Variants in CUX2 observed in about 807,000 individuals in gnomAD.
The protein encoded by CUX2 is homeobox protein cut-like 2.
Under a neutral mutation model 144.8 loss-of-function variants are expected in CUX2, and 40 were observed. The ratio of observed to expected loss-of-function variants is 0.28; its 90% confidence interval spans 0.21 to 0.36. The LOEUF (loss-of-function observed/expected upper bound fraction) is 0.36, where lower values mean the gene tolerates loss of function less well. CUX2 is among the 10% of genes least tolerant of loss of function. CUX2 has a pLI of 1.00. For missense variants in CUX2, 1,615 were observed against 1,994.0 expected (o/e 0.81, Z 3.62); for synonymous variants, 827 against 875.6 (o/e 0.94, Z 0.98).
rs144879385 is a variant in CUX2, at chr12:111,254,890, C to T, written c.223-8871C>T. On this transcript the variant is annotated intron_variant, in intron 3 of 21. Transcript: ENST00000261726. The stretch of plus-strand genomic sequence containing the variant: ...TTTGAGACGGAGCCTTGCGCTGTCA[C>T]CCAGGCTGGAGTGCAGTGGCACGAT... Among the ~76,000 whole-genome samples the T allele has an allele frequency of 4.8e-3, 732 of 152,300 alleles. 6 individuals are homozygous for T. The highest frequency in any genetic ancestry group is 0.017 in the African/African-American group (703 of 41,560).
intron 1 of CUX2, among the ~76,000 whole-genome samples, chr12:111,082,384 C>A (rs1036094410): frequency 6.6e-6 from 1 of 152,124 alleles, no homozygotes; most frequent in Non-Finnish European, 1.5e-5. Context: ...TGGTTTGATT[C>A]CAGGAGTTTT....
chr12:111,140,764 C>G (rs11838103), intron 1 of CUX2, among the ~76,000 whole-genome samples: 3 of 152,204 alleles, frequency 2.0e-5, no homozygotes, highest in Non-Finnish European at 2.9e-5. Flanking sequence ...AACGTGAACT[C>G]GAAAGCTGTG....
chr12:111,062,733 A>C (rs532489632), intron 1 of CUX2, among the ~76,000 whole-genome samples: 54 of 152,366 alleles, frequency 3.5e-4, no homozygotes, highest in African/African-American at 1.3e-3. Context: ...AGGAATGATG[A>C]GACCATATTA....
chr12:111,162,778 G>A (rs948171095), intron 1 of CUX2, among the ~76,000 whole-genome samples: 2 of 152,200 alleles, frequency 1.3e-5, no homozygotes, highest in Admixed American at 1.3e-4. Context: ...AGGTGTGGTG[G>A]CTCACGCCTG....
chr12:111,040,253 C>A (rs978374405), intron 1 of CUX2, among the ~76,000 whole-genome samples: 9 of 151,792 alleles, frequency 5.9e-5, no homozygotes, highest in African/African-American at 1.9e-4. Flanking sequence ...TACCATTGCA[C>A]TCCAGCCTGA....
chr12:111,097,648 C>A (rs1416355923), intron 1 of CUX2, among the ~76,000 whole-genome samples: 1 of 152,158 alleles, frequency 6.6e-6, no homozygotes, highest in South Asian at 2.1e-4. Context: ...CGTGAGCAGA[C>A]CACCCGTGAC....
At chr12:111,260,588 A>T (rs1315085681) in intron 3 of CUX2, among the ~76,000 whole-genome samples, 1 of 152,246 alleles carries the variant, frequency 6.6e-6, no homozygotes, top group African/African-American at 2.4e-5. Context: ...GCTCAGTAGC[A>T]CATGGACCGG....
At chr12:111,208,333 T>C (rs1881031002) in intron 1 of CUX2, among the ~76,000 whole-genome samples, 1 of 152,010 alleles carries the variant, frequency 6.6e-6, no homozygotes, top group African/African-American at 2.4e-5. Context: ...TAACATGTGT[T>C]CCCCTCATAA....
At position 111,212,328 on chromosome 12, in the gene CUX2, AGTGGGAGTACCCTGTGCTTC is replaced by A. The variant is rs563819890; in HGVS notation, c.64-1870_64-1851del. Among the ~76,000 whole-genome samples, 27 of 152,266 alleles carry A rather than the reference AGTGGGAGTACCCTGTGCTTC, an allele frequency of 1.8e-4. No individual in the cohort carries two copies. The South Asian group carries it at 5.4e-3, about 30-fold the overall frequency. On this transcript the variant is annotated intron_variant, in intron 1 of 21. Coordinates refer to ENST00000261726, the MANE Select transcript of CUX2 (RefSeq NM_015267.4). ...AACTGGAAGCCCCCATGTACTTTCAAGTGGGAGTACCCTGTGCTTCGGCAAGAATTGGTTTCAGCACCTTG... is the reference window on the plus strand; with the variant it reads ...AACTGGAAGCCCCCATGTACTTTCAAGGCAAGAATTGGTTTCAGCACCTTG...
chr12:111,226,054 G>A (rs1349771900), intron 3 of CUX2, among the ~76,000 whole-genome samples: 1 of 152,116 alleles, frequency 6.6e-6, no homozygotes, highest in Non-Finnish European at 1.5e-5. Context: ...AGCAATTCTG[G>A]TGCCTCAGTC....
Position 111,341,976 on chromosome 12 carries a change from G to T in CUX2, c.3582G>T (p.Ser1194=), listed in dbSNP as rs199568145. 6.2e-7 allele frequency: 1 copy of T among 1,614,068 alleles called. No homozygotes were observed. Among genetic ancestry groups the T allele is most frequent in the Non-Finnish European group, 8.5e-7 (1 of 1,180,014 alleles). The part of the protein sequence containing the change: ...RKAYQLEPYP[S]QQTIELLSFQ... ...CCTATCAGCTGGAACCCTACCCCTCGCAGCAGACCATCGAGCTCCTCTCCT... is the reference window on the plus strand; with the variant it reads ...CCTATCAGCTGGAACCCTACCCCTCTCAGCAGACCATCGAGCTCCTCTCCT... The change falls in exon 21 of 22, where the codon TCG becomes TCT. Residue 1194 remains serine, a synonymous_variant. Coordinates refer to ENST00000261726, the MANE Select transcript of CUX2 (RefSeq NM_015267.4).
In CUX2 at chr12:111,307,329, C is replaced by G; in HGVS notation, c.1109+72C>G. 7.4e-7 allele frequency: 1 copy of G among 1,354,448 alleles called. No individual in the cohort carries two copies. The highest frequency in any genetic ancestry group is 1.0e-6 in the Non-Finnish European group (1 of 959,768). 83.9% of individuals were successfully genotyped at this position (1,354,448 alleles called of 1,614,324 possible). A position where few individuals can be genotyped will look rare whatever the true frequency, so the allele number is the denominator to read the frequency against. ...GCCAGGAGCTCTTGGCAAAGTTCAT[C>G]ATCTTCCTCCCTCCTACTAAACCCC... On this transcript the variant is annotated intron_variant, in intron 12 of 21. Transcript: ENST00000261726. The surrounding 1 kb of genome is among the most constrained non-coding windows in gnomAD (Gnocchi z 4.1).
At chr12:111,080,351 CT>C (rs1329048450) in intron 1 of CUX2, among the ~76,000 whole-genome samples, 1 of 152,094 alleles carries the variant, frequency 6.6e-6, no homozygotes, top group East Asian at 1.9e-4. Context: ...ACCCATTTAC[CT>C]TGTTTGCTGA....
chr12:111,248,101 A>G (rs980491371), intron 3 of CUX2, among the ~76,000 whole-genome samples: 2 of 152,086 alleles, frequency 1.3e-5, no homozygotes, highest in Non-Finnish European at 2.9e-5. Context: ...GGGTTTCACC[A>G]TGTTGGCCAG....
chr12:111,108,133 T>C (rs1179435175), intron 1 of CUX2, among the ~76,000 whole-genome samples: 1 of 152,234 alleles, frequency 6.6e-6, no homozygotes, highest in Non-Finnish European at 1.5e-5. Context: ...CCATTTATCT[T>C]GAAGAATGTC....
chr12:111,344,939 T>G (rs944219972), intron 21 of CUX2, among the ~76,000 whole-genome samples: 2 of 152,212 alleles, frequency 1.3e-5, no homozygotes, highest in Admixed American at 6.5e-5. Flanking sequence ...TTTTGTTTCT[T>G]TTTTTGTTTA....
chr12:111,070,409 C>T (rs12580973), intron 1 of CUX2, among the ~76,000 whole-genome samples: 148 of 14,728 alleles, frequency 0.01, 1 homozygote, highest in East Asian at 0.026. Context: ...TCCTTCCTTC[C>T]TTCCTTCCTT....
At chr12:111,052,017 A>C (rs971887907) in intron 1 of CUX2, among the ~76,000 whole-genome samples, 2 of 152,100 alleles carry the variant, frequency 1.3e-5, no homozygotes, top group African/African-American at 2.4e-5. Flanking sequence ...GACACATTAT[A>C]ATTGTACATG....
chr12:111,311,637 T>A (rs1436135962), intron 15 of CUX2, among the ~76,000 whole-genome samples: 5 of 142,672 alleles, frequency 3.5e-5, no homozygotes, highest in Non-Finnish European at 7.6e-5. Flanking sequence ...CTTGTTCTGT[T>A]ACTCAGGCTG....
Sources: allele counts gnomAD v4.1 joint callset (sites outside exome capture counted in the v4.1 genomes callset), GRCh38; gene constraint gnomAD v4.1.1; non-coding constraint Gnocchi (gnomAD v3.1); transcripts MANE v1.5; gene names NCBI Gene and HGNC (gene_info 2026-07-23, HGNC 2026-07-21).